The following LRP1B variants were observed in gnomAD, a reference collection of about 807,000 sequenced individuals.
LRP1B encodes the protein LDL receptor related protein 1B.
In LRP1B, 217 loss-of-function variants were observed where a neutral mutation model predicts 556.6. That is an observed-to-expected ratio of 0.39 (90% confidence interval 0.35 to 0.44). The LOEUF (loss-of-function observed/expected upper bound fraction) is 0.44, where lower values mean the gene tolerates loss of function less well. LRP1B is among the 20% of genes least tolerant of loss of function. LRP1B has a pLI of 1.00. For synonymous variants in LRP1B, 2,047 were observed against 1,865.8 expected (o/e 1.10, Z -2.50); for missense variants, 5,053 against 5,620.8 (o/e 0.90, Z 3.23).
At chr2:141,862,073 T>G (rs1157662516) in intron 1 of LRP1B, among the ~76,000 whole-genome samples, 1 of 152,220 alleles carries the variant, frequency 6.6e-6, no homozygotes, top group African/African-American at 2.4e-5. Flanking sequence ...TAAACCAATT[T>G]TTCAAATGAA....
intron 1 of LRP1B, among the ~76,000 whole-genome samples, chr2:142,025,521 T>G (rs1194841081): frequency 6.6e-6 from 1 of 152,126 alleles, no homozygotes; most frequent in African/African-American, 2.4e-5. Context: ...AGAATGATAG[T>G]GTGGTATTAA....
intron 2 of LRP1B, among the ~76,000 whole-genome samples, chr2:141,571,311 CT>C (rs1686520306): frequency 6.6e-6 from 1 of 150,806 alleles, no homozygotes; most frequent in African/African-American, 2.4e-5. Context: ...TGCAGCAGCC[CT>C]ACAGAAGAGG....
chr2:140,771,459 ATGTATG>A (rs1397226042), intron 33 of LRP1B, among the ~76,000 whole-genome samples: 2 of 152,352 alleles, frequency 1.3e-5, no homozygotes, highest in East Asian at 1.9e-4. Flanking sequence ...GAAAGGAGGT[ATGTATG>A]TGTATATGTA....
chr2:141,161,277 T>C (rs920363285), intron 7 of LRP1B, among the ~76,000 whole-genome samples: 1 of 152,110 alleles, frequency 6.6e-6, no homozygotes, highest in East Asian at 1.9e-4. Context: ...AGAAGGCTCA[T>C]TTTCCTAGTT....
At chr2:141,052,664 C>T (rs79332901) in intron 10 of LRP1B, among the ~76,000 whole-genome samples, 5,868 of 152,040 alleles carry the variant, frequency 0.039, 187 homozygotes, top group South Asian at 0.12. Flanking sequence ...ATTAGCAATA[C>T]ATGGGAATCC....
chr2:141,179,892 CTTTT>C (rs11433781), intron 7 of LRP1B, among the ~76,000 whole-genome samples: 3 of 125,998 alleles, frequency 2.4e-5, no homozygotes, highest in East Asian at 2.3e-4. Context: ...TTGGTTTTTC[CTTTT>C]TTTTTTTTTT....
intron 65 of LRP1B, 94 bp from the exon 66 acceptor site, chr2:140,442,717 C>T (rs1433956261): frequency 3.8e-5 from 48 of 1,247,394 alleles, no homozygotes; most frequent in South Asian, 2.7e-4. Context: ...GACAGTTTAT[C>T]GAAAAATGTA....
At chr2:141,031,000 A>G (rs138252446) in intron 11 of LRP1B, among the ~76,000 whole-genome samples, 2 of 152,030 alleles carry the variant, frequency 1.3e-5, no homozygotes, top group East Asian at 3.9e-4. Context: ...CTTAATTCCT[A>G]TAAGCTCTAG....
chr2:140,863,428 G>T (rs1692857336), intron 27 of LRP1B, among the ~76,000 whole-genome samples: 1 of 152,112 alleles, frequency 6.6e-6, no homozygotes, highest in Non-Finnish European at 1.5e-5. Flanking sequence ...CAGAATCTCT[G>T]GGTAACGCCC....
chr2:140,235,237 C>A (rs1360522352), intron 89 of LRP1B, among the ~76,000 whole-genome samples: 1 of 151,046 alleles, frequency 6.6e-6, no homozygotes, highest in Admixed American at 6.6e-5. Context: ...CTGTGGTTAC[C>A]CCCATAGTCA....
intron 2 of LRP1B, among the ~76,000 whole-genome samples, chr2:141,532,910 C>T (rs948070118): frequency 1.3e-5 from 2 of 152,148 alleles, no homozygotes; most frequent in Middle Eastern, 6.8e-3. Flanking sequence ...CGCTTGAACT[C>T]CGGAGGCAGA....
chr2:141,052,973 T>C (rs1053416293), intron 10 of LRP1B, among the ~76,000 whole-genome samples: 6 of 152,046 alleles, frequency 3.9e-5, no homozygotes, highest in African/African-American at 9.7e-5. Flanking sequence ...TAATTGGTAA[T>C]TGATAAACCT....
intron 82 of LRP1B, among the ~76,000 whole-genome samples, chr2:140,316,880 G>A (rs904253394): frequency 3.3e-5 from 5 of 152,084 alleles, no homozygotes; most frequent in African/African-American, 7.2e-5. Context: ...AAGATGAAGC[G>A]CTGACAGTTG....
chr2:140,701,910 A>T (rs2105427101), intron 39 of LRP1B, 65 bp from the exon 40 acceptor site: 1 of 1,593,436 alleles, frequency 6.3e-7, no homozygotes, highest in South Asian at 1.1e-5. Context: ...CCAGTTACTT[A>T]AGCTGAAGAT....
At chr2:140,931,526 T>C (rs10166782) in intron 20 of LRP1B, among the ~76,000 whole-genome samples, 41,740 of 152,064 alleles carry the variant, frequency 0.27, 6,428 homozygotes, top group African/African-American at 0.4. Context: ...GGTTTACTGT[T>C]TGAGTCAGTT....
chr2:140,620,741 T>C (rs1023801008), intron 41 of LRP1B, among the ~76,000 whole-genome samples: 9 of 152,120 alleles, frequency 5.9e-5, no homozygotes, highest in African/African-American at 2.2e-4. Context: ...TGTTATAAGT[T>C]ATGAATAATA....
intron 23 of LRP1B, among the ~76,000 whole-genome samples, chr2:140,886,804 CTTATAG>C (rs1249647958): frequency 6.6e-6 from 1 of 152,050 alleles, no homozygotes. Context: ...AGTTGTTGGA[CTTATAG>C]TTAGGGAGTG....
At chr2:140,495,162 A>T (rs977709834) in intron 56 of LRP1B, among the ~76,000 whole-genome samples, 1 of 152,100 alleles carries the variant, frequency 6.6e-6, no homozygotes, top group Non-Finnish European at 1.5e-5. Context: ...TCTTATTGTT[A>T]ACTTGTTCTC....
chr2:141,516,650 G>T (rs1284614535), intron 2 of LRP1B, among the ~76,000 whole-genome samples: 1 of 150,584 alleles, frequency 6.6e-6, no homozygotes, highest in East Asian at 2.0e-4. Context: ...GTACAATGAA[G>T]TATTCCACCG....
Sources: gnomAD v4.1 joint callset for allele counts (sites outside exome capture counted in the v4.1 genomes callset) on GRCh38, gnomAD v4.1.1 for gene constraint, MANE v1.5 for transcripts, NCBI Gene and HGNC (gene_info 2026-07-23, HGNC 2026-07-21) for gene names.